The following FREM3 variants were observed in gnomAD, a reference collection of about 807,000 sequenced individuals.
FREM3 encodes FRAS1 related extracellular matrix 3, also known as FRAS1-related extracellular matrix protein 3.
FREM3 carries 105 observed loss-of-function variants against 129.1 expected under a neutral mutation model. The observed-to-expected ratio is 0.81, with a 90% CI of 0.69 to 0.96. FREM3 has a LOEUF of 0.96. Ranked by LOEUF, FREM3 falls within the 40% of genes least tolerant of loss-of-function variation. The probability of loss-of-function intolerance (pLI) is 0.00; values close to 1 mark genes in which losing one functional copy is unlikely to be tolerated. For synonymous variants in FREM3, 1,014 were observed against 1,044.9 expected (o/e 0.97, Z 0.57); for missense variants, 2,593 against 2,666.3 (o/e 0.97, Z 0.61).
At chr4:143,588,512 C>T (rs751128030) in intron 6 of FREM3, among the ~76,000 whole-genome samples, 15 of 151,764 alleles carry the variant, frequency 9.9e-5, no homozygotes, top group Non-Finnish European at 1.6e-4. Context: ...TTTCTCCTCG[C>T]GATAGTTTGC....
At chr4:143,648,783 T>C (rs1324235238) in intron 2 of FREM3, among the ~76,000 whole-genome samples, 1 of 152,220 alleles carries the variant, frequency 6.6e-6, no homozygotes, top group Non-Finnish European at 1.5e-5. Flanking sequence ...AATGGACTAA[T>C]GCAGAGTCCT....
At chr4:143,602,230 G>A (rs542675957) in intron 6 of FREM3, among the ~76,000 whole-genome samples, 39 of 152,266 alleles carry the variant, frequency 2.6e-4, no homozygotes, top group Admixed American at 1.0e-3. Flanking sequence ...TGACTGAAAT[G>A]ACGACTAAAC....
At chr4:143,610,725 G>T (rs1423076112) in intron 6 of FREM3, among the ~76,000 whole-genome samples, 1 of 152,190 alleles carries the variant, frequency 6.6e-6, no homozygotes, top group African/African-American at 2.4e-5. Flanking sequence ...TTGATACTTT[G>T]TGTCGTGTCT....
intron 6 of FREM3, among the ~76,000 whole-genome samples, chr4:143,599,305 C>G (rs997780357): frequency 6.6e-6 from 1 of 151,962 alleles, no homozygotes; most frequent in Non-Finnish European, 1.5e-5. Context: ...CTAAGGGACA[C>G]GATATTAGAG....
intron 2 of FREM3, among the ~76,000 whole-genome samples, chr4:143,666,915 A>G (rs1303992105): frequency 6.6e-6 from 1 of 152,190 alleles, no homozygotes; most frequent in African/African-American, 2.4e-5. Context: ...AATGTATAAT[A>G]TACTAAAAAC....
chr4:143,665,861 G>C (rs759075627), intron 2 of FREM3, among the ~76,000 whole-genome samples: 11 of 151,958 alleles, frequency 7.2e-5, no homozygotes, highest in Non-Finnish European at 1.6e-4. Flanking sequence ...GATATCAAAG[G>C]CCTGATTTAT....
chr4:143,621,795 G>T (rs4835212), intron 4 of FREM3, among the ~76,000 whole-genome samples: 2 of 152,236 alleles, frequency 1.3e-5, no homozygotes, highest in African/African-American at 4.8e-5. Flanking sequence ...TGAAATATCA[G>T]TATGAATATT....
In FREM3 at chr4:143,698,096, G is replaced by T; in HGVS notation, c.2580C>A (p.Asp860Glu). The change falls in exon 1 of 8, where the codon GAC becomes GAA. Residue 860 changes from aspartate (D) to glutamate (E), a missense_variant. Physicochemically the swap from Asp to Glu is conservative, Grantham distance 45 (BLOSUM62 2). This residue lies in a region of FREM3 where 2,276 missense variants were observed against 2,267.2 expected (regional missense o/e 1.00). Coordinates refer to ENST00000329798, the MANE Select transcript of FREM3 (RefSeq NM_001168235.2). ...CTAATATGAAGACAATTTGGTCAAT[G>T]TCTGTGTCTGGGTCTGTAACATGCA... The part of the protein sequence containing the change: ...NELHVTDPDT[D>E]IDQIVFILVR... 4 of 1,537,426 alleles carry T rather than the reference G, an allele frequency of 2.6e-6. No homozygotes were observed. The highest frequency in any genetic ancestry group is 1.7e-6 in the Non-Finnish European group (2 of 1,146,956).
intron 5 of FREM3, among the ~76,000 whole-genome samples, chr4:143,612,181 C>G (rs80301276): frequency 0.023 from 3,508 of 152,262 alleles, 130 homozygotes; most frequent in African/African-American, 0.08. Flanking sequence ...TGACCACCAC[C>G]ACAATCATAA....
rs1359645404 is a variant in FREM3, at chr4:143,697,030, G to A, written c.3646C>T (p.Leu1216Phe). The change falls in exon 1 of 8, where the codon CTT becomes TTT. Residue 1216 changes from leucine to phenylalanine, a missense_variant. Around this residue, in one of 2 missense-constraint regions of FREM3, gnomAD observed 2,276 missense variants for 2,267.2 expected, o/e 1.00. Coordinates refer to ENST00000329798, the MANE Select transcript of FREM3 (RefSeq NM_001168235.2). ...GGCAGGTCAGCATCTGCTCCATTAAGCAGCTGGGTGTCTATGACCAGGCTC... is the reference window on the plus strand; with the variant it reads ...GGCAGGTCAGCATCTGCTCCATTAAACAGCTGGGTGTCTATGACCAGGCTC... ...GMSLVIDTQLLNGADADLPPN... is the reference protein window; with the variant it reads ...GMSLVIDTQLFNGADADLPPN... 1 of 1,537,430 alleles carries A rather than the reference G, an allele frequency of 6.5e-7. No homozygotes were observed. Among genetic ancestry groups the A allele is most frequent in the Non-Finnish European group, 8.7e-7 (1 of 1,146,998 alleles).
Position 143,700,409 on chromosome 4 carries a change from C to T in FREM3, c.267G>A (p.Val89=). 5 of 1,533,952 alleles carry T rather than the reference C, an allele frequency of 3.3e-6. No individual in the cohort carries two copies. The highest frequency in any genetic ancestry group is 4.4e-6 in the Non-Finnish European group (5 of 1,145,506). The change falls in exon 1 of 8, where the codon GTG becomes GTA. Residue 89 remains valine, a synonymous_variant. Transcript: ENST00000329798. The part of the protein sequence containing the change: ...LDPLRDLVIG[V]QPGDRCEVTV... ...TGACTTCGCACCGGTCCCCCGGCTG[C>T]ACTCCAATCACCAGATCCCGGAGCG...
At chr4:143,642,959 C>T (rs983287305) in intron 2 of FREM3, among the ~76,000 whole-genome samples, 3 of 152,098 alleles carry the variant, frequency 2.0e-5, no homozygotes, top group African/African-American at 7.2e-5. Flanking sequence ...GGGCAGAAGG[C>T]CTTAATAAAC....
intron 6 of FREM3, among the ~76,000 whole-genome samples, chr4:143,601,501 A>T (rs1326722213): frequency 6.6e-6 from 1 of 152,232 alleles, no homozygotes; most frequent in Non-Finnish European, 1.5e-5. Context: ...AAATTGAAAG[A>T]AAGTCTTTAC....
intron 2 of FREM3, among the ~76,000 whole-genome samples, chr4:143,639,452 T>C (rs540947212): frequency 1.3e-5 from 2 of 152,124 alleles, no homozygotes; most frequent in Non-Finnish European, 2.9e-5. Flanking sequence ...ATCCCTCAGA[T>C]GAGGGAGTGG....
intron 7 of FREM3, among the ~76,000 whole-genome samples, chr4:143,582,564 G>A (rs895106063): frequency 6.6e-6 from 1 of 152,176 alleles, no homozygotes; most frequent in Non-Finnish European, 1.5e-5. Context: ...CCATACAGAT[G>A]AGAAAGAACT....
At chr4:143,599,756 G>T (rs1447709350) in intron 6 of FREM3, among the ~76,000 whole-genome samples, 1 of 152,118 alleles carries the variant, frequency 6.6e-6, no homozygotes, top group Non-Finnish European at 1.5e-5. Context: ...TGAGGGAAAG[G>T]GTCTATTCTT....
chr4:143,666,535 C>G (rs913520634), intron 2 of FREM3, among the ~76,000 whole-genome samples: 1 of 151,988 alleles, frequency 6.6e-6, no homozygotes, highest in African/African-American at 2.4e-5. Context: ...GTACATACAA[C>G]GGAATATTAT....
Position 143,590,543 on chromosome 4 carries a change from T to G in FREM3, c.6029-4550A>C, listed in dbSNP as rs180773768. 2.3e-3 allele frequency among the ~76,000 whole-genome samples: 358 copies of G among 152,360 alleles called. 7 individuals carry two copies. The highest frequency in any genetic ancestry group is 0.023 in the Admixed American group (348 of 15,304). The stretch of plus-strand genomic sequence containing the variant: ...CTGTTTATATGCTGGATTACGTTTA[T>G]TGATTTTTGTATGTTGAACCAGCCT... On this transcript the variant is annotated intron_variant, in intron 6 of 7. Coordinates refer to ENST00000329798, the MANE Select transcript of FREM3 (RefSeq NM_001168235.2).
chr4:143,669,411 G>C (rs965284129), intron 2 of FREM3, among the ~76,000 whole-genome samples: 2 of 152,122 alleles, frequency 1.3e-5, no homozygotes, highest in South Asian at 4.1e-4. Context: ...GTAGTAGCTT[G>C]GACTACAGGC....
Sources: allele counts gnomAD v4.1 joint callset (sites outside exome capture counted in the v4.1 genomes callset), GRCh38; gene constraint gnomAD v4.1.1; regional missense constraint gnomAD v4.1.1; transcripts MANE v1.5; gene names NCBI Gene and HGNC (gene_info 2026-07-23, HGNC 2026-07-21).